The following CLVS1 variants were observed in gnomAD, a reference collection of about 807,000 sequenced individuals.
CLVS1 encodes the protein clavesin 1.
CLVS1 carries 10 observed loss-of-function variants against 33.1 expected under a neutral mutation model. The ratio of observed to expected loss-of-function variants is 0.30; its 90% CI spans 0.19 to 0.51. CLVS1 has a LOEUF of 0.51. CLVS1 is among the 20% of genes least tolerant of loss of function. The pLI, the probability that CLVS1 is intolerant of heterozygous loss-of-function variation, is 0.97. For missense variants in CLVS1, 343 were observed against 433.4 expected, an observed-to-expected ratio of 0.79 and a Z score of 1.85; for synonymous variants, 163 against 166.1, an observed-to-expected ratio of 0.98 and a Z score of 0.14.
At chr8:61,176,401 C>T (rs1221873700) in intron 2 of CLVS1, among the ~76,000 whole-genome samples, 2 of 152,160 alleles carry the variant, frequency 1.3e-5, no homozygotes, top group African/African-American at 2.4e-5. Flanking sequence ...ACAAGGCCCA[C>T]CCAAGAGCAG....
intron 1 of CLVS1, among the ~76,000 whole-genome samples, chr8:61,068,856 GC>G (rs1229261628): frequency 6.6e-6 from 1 of 152,120 alleles, no homozygotes. Context: ...TCCTACCGAT[GC>G]CCCCTCTGCC....
intron 2 of CLVS1, among the ~76,000 whole-genome samples, chr8:61,139,656 G>C (rs1057508454): frequency 6.6e-6 from 1 of 152,096 alleles, no homozygotes; most frequent in Admixed American, 6.5e-5. Context: ...CCCGGCCTCA[G>C]GGGGAGGCAC....
chr8:61,376,471 G>A, intron 2 of CLVS1, 134 bp from the exon 3 acceptor site: 4 of 715,648 alleles, frequency 5.6e-6, no homozygotes, highest in Non-Finnish European at 9.2e-6. Flanking sequence ...CAGTCCCTTT[G>A]GGTACAGGAC....
In CLVS1 at chr8:61,240,894, G is replaced by GTTTTTTTTTT. The variant is rs549955338; in HGVS notation, c.-151-58775_-151-58766dup. Among the ~76,000 whole-genome samples the GTTTTTTTTTT allele has an allele frequency of 1.5e-3, 195 of 130,594 alleles. 3 individuals are homozygous for GTTTTTTTTTT. Among genetic ancestry groups the GTTTTTTTTTT allele is most frequent in the African/African-American group, 5.6e-3 (176 of 31,508 alleles). The allele number at this position is 130,594 out of a possible 152,430, so 85.7% of individuals were successfully genotyped here. A position where few individuals can be genotyped will look rare whatever the true frequency, so the allele number is the denominator to read the frequency against. On this transcript the variant is annotated intron_variant, in intron 2 of 2. Coordinates refer to the CLVS1 transcript ENST00000522621. ...CTAAAATGAATGATGTTTGCTGTAG[G>GTTTTTTTTTT]TTTTTTTTTTTTTTTTTAAAATAGA...
At chr8:61,478,940 C>G (rs1214637034) in intron 5 of CLVS1, among the ~76,000 whole-genome samples, 1 of 152,198 alleles carries the variant, frequency 6.6e-6, no homozygotes, top group Non-Finnish European at 1.5e-5. Flanking sequence ...TAGTTTCTGC[C>G]AAGAGATCCG....
intron 3 of CLVS1, among the ~76,000 whole-genome samples, chr8:61,419,415 A>AT (rs1815567995): frequency 6.6e-6 from 1 of 151,786 alleles, no homozygotes; most frequent in Admixed American, 6.6e-5. Flanking sequence ...AAAAAAAAAA[A>AT]ATATTTAAAA....
At chr8:61,332,851 T>A (rs928595019) in intron 2 of CLVS1, among the ~76,000 whole-genome samples, 3 of 152,134 alleles carry the variant, frequency 2.0e-5, no homozygotes, top group Non-Finnish European at 4.4e-5. Context: ...GCCAGGCTGG[T>A]CTTGAACTCC....
rs1817879169 is a variant in CLVS1 at position 61,475,278 on chromosome 8, G to A, written c.977+16736G>A. ...ACATGCGTGTGCATGTGTCTTTATA[G>A]CAGCATGATTTATATACTTTGGGTA... On this transcript the variant is annotated intron_variant, in intron 5 of 5. Transcript: ENST00000325897. Among the ~76,000 whole-genome samples, 6 of 152,300 alleles carry A rather than the reference G, an allele frequency of 3.9e-5. No homozygotes were observed. In the South Asian group the frequency reaches 1.2e-3, roughly 32 times the overall value.
At chr8:61,084,214 C>G (rs1805077341) in intron 1 of CLVS1, among the ~76,000 whole-genome samples, 1 of 152,066 alleles carries the variant, frequency 6.6e-6, no homozygotes, top group African/African-American at 2.4e-5. Flanking sequence ...TCTGGTTTTC[C>G]TATTATTTTA....
rs147400724 is a variant in CLVS1 at position 61,225,296 on chromosome 8, C to A, written c.-151-74381C>A. Among the ~76,000 whole-genome samples the A allele has an allele frequency of 2.5e-4, 38 of 151,644 alleles. No individual in the cohort carries two copies. The East Asian group carries it at 7.2e-3, about 29-fold the overall frequency. ...TAGTACCATTATACTACAGCCTGGG[C>A]AACTGACTGAGACTCTGTCTCAAAA... On this transcript the variant is annotated intron_variant, in intron 2 of 2. Coordinates refer to the CLVS1 transcript ENST00000522621.
rs556301324 is a variant in CLVS1, at chr8:61,251,005, G to T, written c.-151-48672G>T. On this transcript the variant is annotated intron_variant, in intron 2 of 2. Transcript: ENST00000522621. Reference sequence around the variant, plus strand: ...CTTGTCTTGTGCCAGTTTTCAAAGGGAATGCTTCCAGTTTTTGCCCATTCA... The same window carrying T: ...CTTGTCTTGTGCCAGTTTTCAAAGGTAATGCTTCCAGTTTTTGCCCATTCA... Among the ~76,000 whole-genome samples, 14 of 152,286 alleles carry T rather than the reference G, an allele frequency of 9.2e-5. No homozygotes were observed. The South Asian group carries it at 2.9e-3, about 32-fold the overall frequency.
chr8:61,475,800 A>G (rs1817904043), intron 5 of CLVS1, among the ~76,000 whole-genome samples: 1 of 152,106 alleles, frequency 6.6e-6, no homozygotes, highest in Non-Finnish European at 1.5e-5. Flanking sequence ...CTTTAGTTTA[A>G]TTAGATACCA....
intron 3 of CLVS1, among the ~76,000 whole-genome samples, chr8:61,434,276 A>G (rs1816229811): frequency 6.6e-6 from 1 of 152,260 alleles, no homozygotes; most frequent in Non-Finnish European, 1.5e-5. Context: ...CACAGAATTT[A>G]GAAGGCCACA....
chr8:60,986,364 T>G, the CLVS1 span, among the ~76,000 whole-genome samples: 1 of 152,378 alleles, frequency 6.6e-6, no homozygotes, highest in African/African-American at 2.4e-5. Flanking sequence ...ATCGGATGGC[T>G]GTTTCTATGG....
chr8:61,043,848 G>A, the CLVS1 span, among the ~76,000 whole-genome samples: 4 of 152,144 alleles, frequency 2.6e-5, no homozygotes, highest in African/African-American at 9.7e-5. Context: ...ATTAGGGAAG[G>A]TTATAGGTGG....
At chr8:60,998,671 G>A in the CLVS1 span, among the ~76,000 whole-genome samples, 5 of 152,130 alleles carry the variant, frequency 3.3e-5, no homozygotes, top group African/African-American at 7.2e-5. Flanking sequence ...GGTTTGTTCC[G>A]GGTCTTTGGA....
chr8:61,345,905 G>A (rs1335066379), intron 2 of CLVS1, among the ~76,000 whole-genome samples: 1 of 152,036 alleles, frequency 6.6e-6, no homozygotes, highest in Non-Finnish European at 1.5e-5. Context: ...CTTGACTTGT[G>A]GGGACAGATA....
chr8:61,071,765 A>G (rs914253040), intron 1 of CLVS1, among the ~76,000 whole-genome samples: 4 of 152,206 alleles, frequency 2.6e-5, no homozygotes, highest in African/African-American at 9.7e-5. Flanking sequence ...GTAGACTGCT[A>G]GGTAATAAGA....
intron 2 of CLVS1, among the ~76,000 whole-genome samples, chr8:61,244,987 A>G (rs545153652): frequency 1.8e-4 from 28 of 152,328 alleles, no homozygotes; most frequent in African/African-American, 6.5e-4. Context: ...TTATGTAATT[A>G]CATGCATAAA....
Sources: gnomAD v4.1 joint callset for allele counts (sites outside exome capture counted in the v4.1 genomes callset) on GRCh38, gnomAD v4.1.1 for gene constraint, MANE v1.5 for transcripts, NCBI Gene and HGNC (gene_info 2026-07-23, HGNC 2026-07-21) for gene names.